Variants in TMEM200A observed in about 807,000 individuals in gnomAD.
TMEM200A encodes transmembrane protein 200A, also known as two transmembrane C.
In TMEM200A, 12 loss-of-function variants were observed where a neutral mutation model predicts 24.3. The ratio of observed to expected loss-of-function variants is 0.49; its 90% CI spans 0.32 to 0.80. The LOEUF is 0.80. Among genes scored for constraint, TMEM200A ranks in the 30% least tolerant of loss-of-function variants. The pLI, the probability that TMEM200A is intolerant of heterozygous loss-of-function variation, is 0.04. For missense variants in TMEM200A, 545 were observed against 614.4 expected (o/e 0.89, Z 1.19); for synonymous variants, 224 against 224.4 (o/e 1.00, Z 0.02).
intron 1 of TMEM200A, among the ~76,000 whole-genome samples, chr6:130,376,732 A>G (rs1235906718): frequency 6.6e-6 from 1 of 152,246 alleles, no homozygotes; most frequent in African/African-American, 2.4e-5. Flanking sequence ...AATAAAAAAT[A>G]CACAAGTATA....
intron 2 of TMEM200A, among the ~76,000 whole-genome samples, chr6:130,429,039 A>G (rs1160269495): frequency 6.6e-6 from 1 of 152,218 alleles, no homozygotes; most frequent in African/African-American, 2.4e-5. Context: ...TCTATGTTAA[A>G]AAAACTATGG....
intron 1 of TMEM200A, among the ~76,000 whole-genome samples, chr6:130,379,624 C>A (rs1024484828): frequency 1.3e-5 from 2 of 152,154 alleles, no homozygotes; most frequent in Non-Finnish European, 2.9e-5. Flanking sequence ...ATACAAAAAC[C>A]CTTACTGCGC....
rs537757159 is a variant in TMEM200A at position 130,415,988 on chromosome 6, G to A, written c.-16-24419G>A. 1.6e-3 allele frequency among the ~76,000 whole-genome samples: 249 copies of A among 151,400 alleles called. 2 individuals carry two copies. Among genetic ancestry groups the A allele is most frequent in the African/African-American group, 5.9e-3 (244 of 41,454 alleles). On this transcript the variant is annotated intron_variant, in intron 2 of 2. Transcript: ENST00000296978. ...CTTTTTTTCTTTTTATCATTAAAAT[G>A]ATAATAAAAATCAATGTAATTATGA...
upstream of TMEM200A, chr6:130,365,591 C>G (rs1364525022): frequency 4.1e-6 from 4 of 985,294 alleles, no homozygotes; most frequent in Admixed American, 6.1e-5. Context: ...CCAGCCGCTC[C>G]GGAGAACTGG....
At chr6:130,423,387 T>G (rs962296835) in intron 2 of TMEM200A, among the ~76,000 whole-genome samples, 2 of 152,198 alleles carry the variant, frequency 1.3e-5, no homozygotes, top group Non-Finnish European at 2.9e-5. Context: ...TTACTGAACA[T>G]TTCTTCCTGT....
chr6:130,397,058 A>G (rs1203436089), intron 2 of TMEM200A, among the ~76,000 whole-genome samples: 1 of 152,170 alleles, frequency 6.6e-6, no homozygotes, highest in Non-Finnish European at 1.5e-5. Context: ...CATTAAATAT[A>G]TTTTTTGAAT....
At chr6:130,378,582 G>A (rs1426263136) in intron 1 of TMEM200A, among the ~76,000 whole-genome samples, 2 of 151,968 alleles carry the variant, frequency 1.3e-5, no homozygotes, top group African/African-American at 4.8e-5. Context: ...AAATTAGCCG[G>A]GCATGGTGGC....
chr6:130,399,997 A>C (rs1457309969), intron 2 of TMEM200A, among the ~76,000 whole-genome samples: 2 of 152,006 alleles, frequency 1.3e-5, no homozygotes, highest in Admixed American at 6.6e-5. Context: ...CATCCAGGTC[A>C]TCGCAAATGC....
chr6:130,431,308 A>G (rs1329529152), intron 2 of TMEM200A, among the ~76,000 whole-genome samples: 3 of 152,218 alleles, frequency 2.0e-5, no homozygotes, highest in South Asian at 4.1e-4. Flanking sequence ...TGAAGTTACT[A>G]TATGTTTTCC....
At chr6:130,368,009 C>T (rs1012451561) in intron 1 of TMEM200A, among the ~76,000 whole-genome samples, 2 of 152,202 alleles carry the variant, frequency 1.3e-5, no homozygotes, top group African/African-American at 4.8e-5. Context: ...GCCTTTGAGG[C>T]AGGTCTAGGT....
At chr6:130,379,045 C>T (rs549900804) in intron 1 of TMEM200A, among the ~76,000 whole-genome samples, 2 of 152,172 alleles carry the variant, frequency 1.3e-5, no homozygotes, top group Non-Finnish European at 2.9e-5. Flanking sequence ...CTAACCCACT[C>T]CTTCCATAAT....
chr6:130,424,905 C>A (rs190627203), intron 2 of TMEM200A, among the ~76,000 whole-genome samples: 1 of 152,082 alleles, frequency 6.6e-6, no homozygotes, highest in East Asian at 1.9e-4. Context: ...TTGATTTTCC[C>A]GGCTGGGAAT....
At chr6:130,371,701 G>A (rs1295422982) in intron 1 of TMEM200A, among the ~76,000 whole-genome samples, 2 of 152,200 alleles carry the variant, frequency 1.3e-5, no homozygotes, top group Non-Finnish European at 2.9e-5. Context: ...TCTGGATTTA[G>A]GGTTTGGGGT....
At chr6:130,437,084 T>C (rs1464256897) in intron 2 of TMEM200A, 1 of 152,212 alleles carries the variant, frequency 6.6e-6, no homozygotes, top group Non-Finnish European at 1.5e-5. Context: ...TATTTATGTC[T>C]TACTCCAACT....
intron 2 of TMEM200A, among the ~76,000 whole-genome samples, chr6:130,405,752 C>T (rs111583991): frequency 3.9e-5 from 6 of 152,268 alleles, no homozygotes; most frequent in African/African-American, 1.4e-4. Context: ...CCTGGTGTGT[C>T]CTCTCCCTAT....
chr6:130,406,808 C>A (rs1050776301), intron 2 of TMEM200A, among the ~76,000 whole-genome samples: 3 of 152,258 alleles, frequency 2.0e-5, no homozygotes, highest in South Asian at 2.1e-4. Context: ...CTTTAAGACT[C>A]AAATCTTAGC....
rs77751644 is a variant in TMEM200A at position 130,413,178 on chromosome 6, C to T, written c.-16-27229C>T. Among the ~76,000 whole-genome samples the T allele has an allele frequency of 2.2e-3, 338 of 152,334 alleles. 3 individuals carry two copies. Among genetic ancestry groups the T allele is most frequent in the Middle Eastern group, 3.4e-3 (1 of 294 alleles). ...TCTCATTCTACACATGGAATCTATA[C>T]TGATAATCCCAAGTTTGTATTCTAG... is the stretch of plus-strand genomic sequence containing the variant. On this transcript the variant is annotated intron_variant, in intron 2 of 2. Coordinates refer to ENST00000296978, the MANE Select transcript of TMEM200A (RefSeq NM_001258277.2).
chr6:130,433,056 G>A (rs1022200440), intron 2 of TMEM200A, among the ~76,000 whole-genome samples: 3 of 152,046 alleles, frequency 2.0e-5, no homozygotes, highest in Non-Finnish European at 4.4e-5. Context: ...CATCAAATGA[G>A]GAAGCAAAGA....
At chr6:130,412,249 G>A (rs1337259944) in intron 2 of TMEM200A, among the ~76,000 whole-genome samples, 1 of 151,314 alleles carries the variant, frequency 6.6e-6, no homozygotes, top group Non-Finnish European at 1.5e-5. Flanking sequence ...CTGAATGATG[G>A]GTGTGCTTAT....
Sources: allele counts gnomAD v4.1 joint callset (sites outside exome capture counted in the v4.1 genomes callset), GRCh38; gene constraint gnomAD v4.1.1; transcripts MANE v1.5; gene names NCBI Gene and HGNC (gene_info 2026-07-23, HGNC 2026-07-21).